Variants in COL6A6 observed in about 807,000 individuals in gnomAD.
The protein encoded by COL6A6 is collagen type VI alpha 6 chain.
Under a neutral mutation model 208.6 loss-of-function variants are expected in COL6A6, and 183 were observed. That is an observed-to-expected ratio of 0.88 (90% CI 0.78 to 0.99). The LOEUF (loss-of-function observed/expected upper bound fraction) is 0.99, where lower values mean the gene tolerates loss of function less well. Among genes scored for constraint, COL6A6 ranks in the 50% least tolerant of loss-of-function variants. The pLI is 0.00. For missense variants in COL6A6, 2,816 were observed against 2,815.2 expected, an observed-to-expected ratio of 1.00 and a Z score of -0.01; for synonymous variants, 973 against 1,011.8, an observed-to-expected ratio of 0.96 and a Z score of 0.73.
At chr3:130,670,810 G>A (rs2066194706) in intron 36 of COL6A6, among the ~76,000 whole-genome samples, 1 of 152,384 alleles carries the variant, frequency 6.6e-6, no homozygotes, top group South Asian at 2.1e-4. Flanking sequence ...GCTCAGGACA[G>A]CTTTGAATGT....
chr3:130,566,887 A>G lies in COL6A6; in HGVS notation c.1468A>G (p.Ile490Val), dbSNP rs1199790616. Residue 490 changes from isoleucine (I) to valine (V), a missense_variant, in exon 5 of 37, where the codon ATC (isoleucine) becomes GTC (valine). Transcript: ENST00000358511. ...TGACAGCTGGGACTTGGAATTTGAG[A>G]TCAATAAATACTCCAACAAGCAGGA... is the stretch of plus-strand genomic sequence containing the variant. The part of the protein sequence containing the change: ...YADSWDLEFE[I>V]NKYSNKQDLG... The G allele has an allele frequency of 6.8e-6, 11 of 1,613,846 alleles. No homozygotes were observed. Among genetic ancestry groups the G allele is most frequent in the African/African-American group, 1.3e-5 (1 of 74,904 alleles).
intron 6 of COL6A6, 134 bp downstream of exon 6, chr3:130,568,738 G>C: frequency 1.1e-6 from 1 of 877,394 alleles, no homozygotes; most frequent in African/African-American, 1.7e-5. Flanking sequence ...TAGTGGCTTT[G>C]ACCTGTTGAA....
At chr3:130,524,980 A>G (rs906332120) in intron 1 of COL6A6, among the ~76,000 whole-genome samples, 3 of 152,224 alleles carry the variant, frequency 2.0e-5, no homozygotes, top group Admixed American at 6.5e-5. Context: ...AAATACTCCA[A>G]TCCAGAGTTT....
At chr3:130,652,967 C>A (rs181061580) in intron 33 of COL6A6, among the ~76,000 whole-genome samples, 1 of 152,302 alleles carries the variant, frequency 6.6e-6, no homozygotes, top group African/African-American at 2.4e-5. Flanking sequence ...ATACTGATTT[C>A]CCTGTTTCTT....
chr3:130,650,903 CTGTGGAGGGTG>C (rs1233791754), intron 33 of COL6A6, among the ~76,000 whole-genome samples: 2 of 152,152 alleles, frequency 1.3e-5, no homozygotes, highest in South Asian at 4.1e-4. Context: ...GGTCACTCAC[CTGTGGAGGGTG>C]ACTTCTATTT....
chr3:130,592,760 T>C (rs1254900052), intron 15 of COL6A6, 38 bp downstream of exon 15: 1 of 1,527,110 alleles, frequency 6.5e-7, no homozygotes, highest in East Asian at 2.3e-5. Flanking sequence ...TACCCATATG[T>C]TATCTAGAAA....
At chr3:130,672,348 A>AAT (rs2066238792) in intron 36 of COL6A6, among the ~76,000 whole-genome samples, 1 of 152,162 alleles carries the variant, frequency 6.6e-6, no homozygotes, top group Admixed American at 6.5e-5. Flanking sequence ...TTATTTGAAC[A>AAT]ATATATAGTA....
intron 24 of COL6A6, 74 bp from the exon 25 acceptor site, chr3:130,626,411 G>T: frequency 9.7e-7 from 1 of 1,032,298 alleles, no homozygotes. Context: ...TGTTGTGTGT[G>T]ATCCACACAG....
chr3:130,627,184 C>T, intron 25 of COL6A6, 135 bp from the exon 26 acceptor site: 1 of 699,866 alleles, frequency 1.4e-6, no homozygotes, highest in South Asian at 1.8e-5. Context: ...ATGTTGGTGG[C>T]CTGCCCTAGA....
chr3:130,575,692 G>T (rs2063278514), intron 8 of COL6A6, among the ~76,000 whole-genome samples: 1 of 152,196 alleles, frequency 6.6e-6, no homozygotes, highest in Admixed American at 6.5e-5. Context: ...TCTCCAGAAG[G>T]AGAAGGTACT....
intron 24 of COL6A6, 79 bp downstream of exon 24, chr3:130,621,962 C>T: frequency 8.4e-7 from 1 of 1,193,334 alleles, no homozygotes; most frequent in Non-Finnish European, 1.2e-6. Flanking sequence ...TAGCCAGGGC[C>T]CTTTCAACAC....
At chr3:130,540,245 T>C (rs1160955480) in intron 1 of COL6A6, among the ~76,000 whole-genome samples, 1 of 152,218 alleles carries the variant, frequency 6.6e-6, no homozygotes, top group African/African-American at 2.4e-5. Flanking sequence ...AGATTTCCCA[T>C]ATATCCTCTA....
Position 130,568,138 on chromosome 3 carries a change from G to A in COL6A6, c.1935G>A (p.Met645Ile). Residue 645 changes from methionine to isoleucine, a missense_variant, in exon 6 of 37, where the codon ATG (methionine) becomes ATA (isoleucine). Transcript: ENST00000358511. The stretch of plus-strand genomic sequence containing the variant: ...ACTTCAGCAAAATGAAAACATTTAT[G>A]AAAAACCTGGTGAGCAAGTCTCAGA... The part of the protein sequence containing the change: ...PENFSKMKTF[M>I]KNLVSKSQIG... 1 of 1,613,972 alleles carries A rather than the reference G, an allele frequency of 6.2e-7. No individual in the cohort carries two copies. Among genetic ancestry groups the A allele is most frequent in the South Asian group, 1.1e-5 (1 of 91,074 alleles).
intron 1 of COL6A6, among the ~76,000 whole-genome samples, chr3:130,543,551 G>A (rs1471265148): frequency 6.6e-6 from 1 of 151,980 alleles, no homozygotes; most frequent in East Asian, 1.9e-4. Flanking sequence ...TAGAGTATAC[G>A]ATATACATTG....
intron 24 of COL6A6, 108 bp from the exon 25 acceptor site, chr3:130,626,377 A>G: frequency 1.2e-6 from 1 of 822,310 alleles, no homozygotes; most frequent in South Asian, 1.4e-5. Flanking sequence ...CTTGCACGAC[A>G]CACAGTTCTG....
At chr3:130,596,487 G>A (rs2063854167) in intron 18 of COL6A6, among the ~76,000 whole-genome samples, 1 of 152,060 alleles carries the variant, frequency 6.6e-6, no homozygotes. Context: ...AAACAACTCT[G>A]TTTTTTTACA....
chr3:130,655,303 T>C lies in COL6A6; in HGVS notation c.5734-3373T>C, dbSNP rs191938329. On this transcript the variant is annotated intron_variant, in intron 33 of 36. Coordinates refer to ENST00000358511, the MANE Select transcript of COL6A6 (RefSeq NM_001102608.3). ...CTCTAGAAGAGAATAGGTTCCAAGA[T>C]AGAAGACTTGTTGAATCCAGATGAA... 1.9e-4 allele frequency among the ~76,000 whole-genome samples: 29 copies of C among 152,276 alleles called. 1 individual carries two copies. The highest frequency in any genetic ancestry group is 4.6e-4 in the Admixed American group (7 of 15,294).
chr3:130,611,222 C>T (rs1441319852), intron 23 of COL6A6, among the ~76,000 whole-genome samples: 1 of 152,182 alleles, frequency 6.6e-6, no homozygotes, highest in Non-Finnish European at 1.5e-5. Flanking sequence ...TGCATTAGCA[C>T]TCCTCCAGAT....
chr3:130,593,269 G>T lies in COL6A6; in HGVS notation c.4470+17G>T. 1.3e-6 allele frequency: 2 copies of T among 1,599,092 alleles called. No homozygotes were observed. The highest frequency in any genetic ancestry group is 2.2e-5 in the South Asian group (2 of 90,710). On this transcript the variant is annotated intron_variant, in intron 17 of 36. Coordinates refer to ENST00000358511, the MANE Select transcript of COL6A6 (RefSeq NM_001102608.3). The stretch of plus-strand genomic sequence containing the variant: ...GGATCTCAGGTAGGGATTTGAAAAG[G>T]AAGAACATAAAAATTGTACTGGGGA...
Sources: allele counts gnomAD v4.1 joint callset (sites outside exome capture counted in the v4.1 genomes callset), GRCh38; gene constraint gnomAD v4.1.1; transcripts MANE v1.5; gene names NCBI Gene and HGNC (gene_info 2026-07-23, HGNC 2026-07-21).